Variants in FA2H observed in about 807,000 individuals in gnomAD.
FA2H encodes fatty acid 2-hydroxylase.
A neutral mutation model predicts 44.9 loss-of-function variants in FA2H; 22 were observed. The ratio of observed to expected loss-of-function variants is 0.49; its 90% CI spans 0.35 to 0.70. The LOEUF (loss-of-function observed/expected upper bound fraction) is 0.70. FA2H is among the 30% of genes least tolerant of loss of function. The pLI is 0.01. For synonymous variants in FA2H, 243 were observed against 213.2 expected (o/e 1.14, Z -1.22); for missense variants, 501 against 504.9 (o/e 0.99, Z 0.07).
intron 4 of FA2H, 82 bp from the exon 5 acceptor site, chr16:74,719,242 A>G: frequency 7.8e-7 from 1 of 1,279,952 alleles, no homozygotes; most frequent in African/African-American, 1.5e-5. Flanking sequence ...CACCATCCCC[A>G]TCAGCTCGGG....
intron 2 of FA2H, among the ~76,000 whole-genome samples, chr16:74,730,285 G>A (rs1272729946): frequency 1.3e-5 from 2 of 152,116 alleles, no homozygotes; most frequent in African/African-American, 4.8e-5. Flanking sequence ...CAGGTCCCAG[G>A]TACTGGCTGC....
At chr16:74,736,831 G>A (rs1188786601) in intron 2 of FA2H, among the ~76,000 whole-genome samples, 2 of 152,144 alleles carry the variant, frequency 1.3e-5, no homozygotes, top group African/African-American at 4.8e-5. Context: ...CTGTTGGGGT[G>A]GGAAGGTTCC....
intron 1 of FA2H, among the ~76,000 whole-genome samples, chr16:74,767,503 T>C (rs1962831319): frequency 6.6e-6 from 1 of 152,086 alleles, no homozygotes; most frequent in South Asian, 2.1e-4. Flanking sequence ...TGAGATGAGA[T>C]TATCCTGGAT....
At chr16:74,752,643 C>G (rs1161692743) in intron 1 of FA2H, among the ~76,000 whole-genome samples, 1 of 152,148 alleles carries the variant, frequency 6.6e-6, no homozygotes, top group African/African-American at 2.4e-5. Context: ...AGCCAGGTGT[C>G]TTTTTGTCCC....
intron 2 of FA2H, 97 bp downstream of exon 2, chr16:74,739,926 G>T: frequency 2.2e-6 from 2 of 927,372 alleles, no homozygotes; most frequent in East Asian, 2.4e-5. Context: ...CTGGGCACAC[G>T]TCATGCCCAC....
intron 2 of FA2H, among the ~76,000 whole-genome samples, chr16:74,731,237 G>A (rs774506697): frequency 6.8e-6 from 1 of 147,332 alleles, no homozygotes; most frequent in Non-Finnish European, 1.5e-5. Context: ...GGGTTCAAGC[G>A]ATTCTCGCTG....
chr16:74,765,017 T>C (rs1358473821), intron 1 of FA2H, among the ~76,000 whole-genome samples: 1 of 152,156 alleles, frequency 6.6e-6, no homozygotes, highest in African/African-American at 2.4e-5. Flanking sequence ...AAGAGCCTGC[T>C]AAGGGAGAGG....
At chr16:74,718,303 G>T (rs1468546482) in intron 5 of FA2H, among the ~76,000 whole-genome samples, 1 of 152,192 alleles carries the variant, frequency 6.6e-6, no homozygotes, top group African/African-American at 2.4e-5. Context: ...AGAGTGTGGA[G>T]ACGGGCTGGG....
At chr16:74,739,592 G>A (rs1962251590) in intron 2 of FA2H, among the ~76,000 whole-genome samples, 1 of 152,164 alleles carries the variant, frequency 6.6e-6, no homozygotes, top group African/African-American at 2.4e-5. Context: ...TCTCCTGCTG[G>A]ACTCAGCAGT....
chr16:74,733,609 G>C (rs1201420402), intron 2 of FA2H, among the ~76,000 whole-genome samples: 1 of 152,226 alleles, frequency 6.6e-6, no homozygotes, highest in African/African-American at 2.4e-5. Flanking sequence ...TGGGTGCTGA[G>C]AGGTTCCAGG....
At chr16:74,725,752 C>T (rs35038783) in intron 4 of FA2H, among the ~76,000 whole-genome samples, 11,801 of 152,278 alleles carry the variant, frequency 0.077, 621 homozygotes, top group Non-Finnish European at 0.12. Flanking sequence ...GGGTCTGCTG[C>T]CTGAGCCTTT....
At chr16:74,749,720 C>CCCCT (rs1232316925) in intron 1 of FA2H, among the ~76,000 whole-genome samples, 2 of 152,136 alleles carry the variant, frequency 1.3e-5, no homozygotes, top group African/African-American at 2.4e-5. Flanking sequence ...GCTAGGATAC[C>CCCCT]CCCTGTGGGT....
intron 4 of FA2H, among the ~76,000 whole-genome samples, chr16:74,725,241 G>T (rs535690739): frequency 6.6e-6 from 1 of 152,320 alleles, no homozygotes; most frequent in South Asian, 2.1e-4. Context: ...CCGTGACCAT[G>T]GCCCCTCTCA....
intron 1 of FA2H, among the ~76,000 whole-genome samples, chr16:74,746,533 A>G (rs1962428781): frequency 1.3e-5 from 2 of 152,202 alleles, no homozygotes; most frequent in African/African-American, 4.8e-5. Flanking sequence ...CCTGATTTCT[A>G]TGAAAAGCTG....
At chr16:74,719,500 C>A (rs1208864118) in intron 4 of FA2H, among the ~76,000 whole-genome samples, 1 of 152,060 alleles carries the variant, frequency 6.6e-6, no homozygotes, top group Non-Finnish European at 1.5e-5. Context: ...GAAGGCGACA[C>A]TCCTGAGCCA....
chr16:74,755,145 G>C (rs1460682155), intron 1 of FA2H, among the ~76,000 whole-genome samples: 3 of 135,392 alleles, frequency 2.2e-5, no homozygotes, highest in Admixed American at 7.5e-5. Context: ...AGAAGTGTGA[G>C]AGAATACATT....
At chr16:74,750,166 G>A (rs935512050) in intron 1 of FA2H, among the ~76,000 whole-genome samples, 1 of 152,206 alleles carries the variant, frequency 6.6e-6, no homozygotes, top group East Asian at 1.9e-4. Flanking sequence ...AGTCTCTCAA[G>A]ACTGAGACCT....
chr16:74,745,135 G>A (rs1378579390), intron 1 of FA2H, among the ~76,000 whole-genome samples: 1 of 152,298 alleles, frequency 6.6e-6, no homozygotes, highest in Middle Eastern at 3.4e-3. Context: ...AGGCCTCTCT[G>A]CCTTGGGAAG....
At position 74,752,903 on chromosome 16, in the gene FA2H, G is replaced by A. The variant is rs547621099; in HGVS notation, c.271-12788C>T. Among the ~76,000 whole-genome samples, 6 of 152,326 alleles carry A rather than the reference G, an allele frequency of 3.9e-5. No homozygotes were observed. The South Asian group carries it at 8.3e-4, about 21-fold the overall frequency. ...GCAGATCTCCCTGGCCAGGCCTGGA[G>A]GGATGACTCAGAGAGACCAGAATGT... On this transcript the variant is annotated intron_variant, in intron 1 of 6. Coordinates refer to ENST00000219368, the MANE Select transcript of FA2H (RefSeq NM_024306.5).
Sources: gnomAD v4.1 joint callset for allele counts (sites outside exome capture counted in the v4.1 genomes callset) on GRCh38, gnomAD v4.1.1 for gene constraint, MANE v1.5 for transcripts, NCBI Gene and HGNC (gene_info 2026-07-23, HGNC 2026-07-21) for gene names.